The following DLG2 variants were observed in gnomAD, a reference collection of about 807,000 sequenced individuals.
DLG2 encodes the protein disks large homolog 2.
DLG2 carries 45 observed loss-of-function variants against 132.5 expected under a neutral mutation model. The ratio of observed to expected loss-of-function variants is 0.34; its 90% confidence interval spans 0.27 to 0.44. The LOEUF is 0.44. Ranked by LOEUF, DLG2 falls within the 20% of genes least tolerant of loss-of-function variation. The pLI is 1.00. For synonymous variants in DLG2, 424 were observed against 419.6 expected, an observed-to-expected ratio of 1.01 and a Z score of -0.13; for missense variants, 1,045 against 1,196.9, an observed-to-expected ratio of 0.87 and a Z score of 1.87.
intron 6 of DLG2, among the ~76,000 whole-genome samples, chr11:84,790,849 C>T (rs1056015726): frequency 7.2e-5 from 11 of 152,190 alleles, no homozygotes; most frequent in Admixed American, 6.5e-5. Flanking sequence ...GACTGTCCTT[C>T]CCCCAGTGTA....
chr11:85,405,054 T>TA (rs1281798932), intron 3 of DLG2, among the ~76,000 whole-genome samples: 1 of 151,912 alleles, frequency 6.6e-6, no homozygotes, highest in Admixed American at 6.6e-5. Context: ...AATATAGTTT[T>TA]AAAAAATGTT....
intron 7 of DLG2, among the ~76,000 whole-genome samples, chr11:84,251,674 G>A (rs1390760700): frequency 2.3e-4 from 28 of 121,786 alleles, no homozygotes; most frequent in Non-Finnish European, 3.5e-4. Context: ...CAAGAATCTC[G>A]CTCTGTCACC....
intron 19 of DLG2, among the ~76,000 whole-genome samples, chr11:83,582,827 T>C (rs1392393752): frequency 6.6e-6 from 1 of 152,226 alleles, no homozygotes; most frequent in Non-Finnish European, 1.5e-5. Flanking sequence ...AGAGAAATAA[T>C]GTATAGAAAA....
chr11:85,335,807 C>G (rs1055490614), intron 3 of DLG2, among the ~76,000 whole-genome samples: 1 of 151,120 alleles, frequency 6.6e-6, no homozygotes, highest in Non-Finnish European at 1.5e-5. Flanking sequence ...GGGTGGGGGA[C>G]TAGGGGAGGG....
At chr11:84,699,117 C>T (rs2058929966) in intron 6 of DLG2, among the ~76,000 whole-genome samples, 1 of 151,464 alleles carries the variant, frequency 6.6e-6, no homozygotes, top group Non-Finnish European at 1.5e-5. Context: ...TCTCTTCAGA[C>T]CTCAGCTACA....
chr11:84,891,629 T>G (rs904273352), intron 6 of DLG2, among the ~76,000 whole-genome samples: 4 of 152,194 alleles, frequency 2.6e-5, no homozygotes, highest in African/African-American at 9.6e-5. Context: ...ATTGGCATAT[T>G]TACAGCCATA....
chr11:83,953,976 T>C (rs1192478256), intron 14 of DLG2, among the ~76,000 whole-genome samples: 1 of 152,220 alleles, frequency 6.6e-6, no homozygotes, highest in African/African-American at 2.4e-5. Flanking sequence ...AAAAATGTAA[T>C]GCAACATTGA....
intron 8 of DLG2, among the ~76,000 whole-genome samples, chr11:84,186,247 A>G (rs1278698971): frequency 1.3e-5 from 2 of 152,044 alleles, no homozygotes; most frequent in African/African-American, 4.8e-5. Flanking sequence ...TATATTTTCA[A>G]ATAATTTTTC....
intron 17 of DLG2, among the ~76,000 whole-genome samples, chr11:83,830,018 T>C (rs1334212054): frequency 3.3e-5 from 5 of 152,144 alleles, no homozygotes; most frequent in East Asian, 1.9e-4. Flanking sequence ...GTCCTTGCGA[T>C]AGTTTGCTGA....
intron 18 of DLG2, among the ~76,000 whole-genome samples, chr11:83,772,878 A>T (rs2094453175): frequency 1.3e-5 from 2 of 152,202 alleles, no homozygotes; most frequent in Non-Finnish European, 2.9e-5. Context: ...CTGGCTACTA[A>T]TAGGGGCAAG....
chr11:85,123,012 C>G (rs1289566378), intron 5 of DLG2, among the ~76,000 whole-genome samples: 2 of 92,268 alleles, frequency 2.2e-5, no homozygotes, highest in Non-Finnish European at 4.1e-5. Flanking sequence ...GAGTCTCGCT[C>G]TGTCGCCCAA....
chr11:83,733,379 A>G (rs1288411849), intron 18 of DLG2, among the ~76,000 whole-genome samples: 1 of 152,128 alleles, frequency 6.6e-6, no homozygotes, highest in Admixed American at 6.5e-5. Context: ...TCCATACTGC[A>G]TATCGTATCA....
chr11:85,450,519 A>T (rs1051850194), intron 3 of DLG2, among the ~76,000 whole-genome samples: 2 of 152,128 alleles, frequency 1.3e-5, no homozygotes, highest in African/African-American at 4.8e-5. Context: ...GCCCCCACAG[A>T]CTTCCTTTAC....
chr11:84,222,070 T>C (rs954966783), intron 8 of DLG2, among the ~76,000 whole-genome samples: 3 of 152,176 alleles, frequency 2.0e-5, no homozygotes, highest in Non-Finnish European at 4.4e-5. Context: ...TTCACTCTTG[T>C]TGCCCAGGCT....
intron 10 of DLG2, among the ~76,000 whole-genome samples, chr11:84,065,911 T>C (rs72951804): frequency 0.01 from 1,580 of 152,336 alleles, 8 homozygotes; most frequent in Non-Finnish European, 0.016. Flanking sequence ...TCATGTCCTT[T>C]ACAGCAACAC....
At chr11:83,634,635 T>C (rs7932281) in intron 18 of DLG2, among the ~76,000 whole-genome samples, 1 of 152,180 alleles carries the variant, frequency 6.6e-6, no homozygotes, top group South Asian at 2.1e-4. Context: ...AGGATGAATG[T>C]ATACAATAAA....
intron 21 of DLG2, among the ~76,000 whole-genome samples, chr11:83,520,348 T>G (rs1409018552): frequency 1.3e-5 from 2 of 152,206 alleles, no homozygotes; most frequent in African/African-American, 4.8e-5. Flanking sequence ...AAATAAAAGA[T>G]GTTTCTCATA....
intron 19 of DLG2, among the ~76,000 whole-genome samples, chr11:83,561,177 A>T (rs1363012734): frequency 2.0e-5 from 3 of 152,160 alleles, no homozygotes; most frequent in African/African-American, 7.2e-5. Flanking sequence ...CGCCCCCATG[A>T]TCCAGTCACC....
At chr11:85,201,849 T>C (rs1351410153) in intron 4 of DLG2, among the ~76,000 whole-genome samples, 1 of 149,734 alleles carries the variant, frequency 6.7e-6, no homozygotes, top group Non-Finnish European at 1.5e-5. Flanking sequence ...CTTCAAAGAA[T>C]ACAGAGGATG....
Sources: allele counts gnomAD v4.1 joint callset (sites outside exome capture counted in the v4.1 genomes callset), GRCh38; gene constraint gnomAD v4.1.1; transcripts MANE v1.5; gene names NCBI Gene and HGNC (gene_info 2026-07-23, HGNC 2026-07-21).